The following CLASP1 variants were observed in gnomAD, a reference collection of about 807,000 sequenced individuals.
CLASP1 encodes the protein cytoplasmic linker associated protein 1, also known as CLIP-associating protein 1.
In CLASP1, 38 loss-of-function variants were observed where a neutral mutation model predicts 192.3. The ratio of observed to expected loss-of-function variants is 0.20; its 90% CI spans 0.15 to 0.26. The LOEUF is 0.26. Among genes scored for constraint, CLASP1 ranks in the 10% least tolerant of loss-of-function variants. The pLI, the probability that CLASP1 is intolerant of heterozygous loss-of-function variation, is 1.00. For synonymous variants in CLASP1, 691 were observed against 712.8 expected (o/e 0.97, Z 0.49); for missense variants, 1,433 against 1,932.5 (o/e 0.74, Z 4.85).
intron 39 of CLASP1, among the ~76,000 whole-genome samples, chr2:121,344,216 G>A (rs887891909): frequency 8.5e-5 from 13 of 152,164 alleles, no homozygotes; most frequent in Non-Finnish European, 1.0e-4. Flanking sequence ...CAAAGCTAGT[G>A]TTGCTGCCCT....
At chr2:121,622,290 G>A (rs761384086) in intron 1 of CLASP1, among the ~76,000 whole-genome samples, 1 of 151,906 alleles carries the variant, frequency 6.6e-6, no homozygotes, top group African/African-American at 2.4e-5. Context: ...GTAAGTTCCG[G>A]CCAGGCACAG....
At chr2:121,618,393 A>G (rs554853784) in intron 1 of CLASP1, among the ~76,000 whole-genome samples, 1 of 152,238 alleles carries the variant, frequency 6.6e-6, no homozygotes, top group Non-Finnish European at 1.5e-5. Flanking sequence ...GTGCAAATAC[A>G]TATGGACAAA....
Position 121,347,028 on chromosome 2 carries a change from CTA to C in CLASP1, c.4530+8_4530+9del. On this transcript the variant is annotated splice_region_variant and intron_variant, in intron 39 of 39. Coordinates refer to ENST00000263710, the Ensembl canonical transcript of CLASP1. ...GGTGTGCGTATCAGCCCAGGTAACA[CTA>C]TACATACCTTGCTCCCTGTGAGCTG... is the stretch of plus-strand genomic sequence containing the variant. The C allele has an allele frequency of 6.5e-7, 1 of 1,530,404 alleles. No homozygotes were observed. Among genetic ancestry groups the C allele is most frequent in the Non-Finnish European group, 8.9e-7 (1 of 1,126,058 alleles). 94.8% of individuals were successfully genotyped at this position (1,530,404 alleles called of 1,614,324 possible).
intron 8 of CLASP1, 82 bp from the exon 9 acceptor site, chr2:121,470,042 T>C (rs1288808458): frequency 8.1e-6 from 9 of 1,116,316 alleles, no homozygotes; most frequent in Non-Finnish European, 1.2e-5. Flanking sequence ...CACCTGATTA[T>C]AAAACAATTA....
chr2:121,489,556 G>C (rs1349634943), intron 8 of CLASP1, among the ~76,000 whole-genome samples: 1 of 152,160 alleles, frequency 6.6e-6, no homozygotes, highest in Non-Finnish European at 1.5e-5. Context: ...AAAACCACTA[G>C]GAAAGCAAGA....
At chr2:121,607,128 G>A (rs894487439) in intron 1 of CLASP1, among the ~76,000 whole-genome samples, 4 of 150,182 alleles carry the variant, frequency 2.7e-5, no homozygotes, top group Non-Finnish European at 5.9e-5. Context: ...GATCACCTGA[G>A]GTTAGGAATT....
At chr2:121,510,897 A>C (rs968787919) in intron 7 of CLASP1, among the ~76,000 whole-genome samples, 1 of 152,188 alleles carries the variant, frequency 6.6e-6, no homozygotes, top group African/African-American at 2.4e-5. Context: ...CCTAGTCTCC[A>C]AGAAACAGCA....
intron 6 of CLASP1, 70 bp downstream of exon 6, chr2:121,525,775 C>T (rs1032095346): frequency 4.8e-5 from 51 of 1,065,694 alleles, no homozygotes; most frequent in Middle Eastern, 2.0e-4. Flanking sequence ...CCACCCACTA[C>T]GGAACACCAG....
chr2:121,575,307 G>GT (rs959289387), intron 2 of CLASP1, among the ~76,000 whole-genome samples: 2 of 151,850 alleles, frequency 1.3e-5, no homozygotes, highest in African/African-American at 4.8e-5. Context: ...GGGTTTCACC[G>GT]TGTTGGCCAG....
At chr2:121,440,928 G>C (rs145296262) in intron 19 of CLASP1, among the ~76,000 whole-genome samples, 104 of 152,138 alleles carry the variant, frequency 6.8e-4, no homozygotes, top group African/African-American at 2.3e-3. Context: ...ACCAGACCCA[G>C]AGGAAAACAA....
chr2:121,558,136 C>T (rs1271321754), intron 2 of CLASP1, among the ~76,000 whole-genome samples: 2 of 150,344 alleles, frequency 1.3e-5, no homozygotes, highest in African/African-American at 4.9e-5. Flanking sequence ...ATAAATCATA[C>T]AATCTATTGT....
chr2:121,406,885 C>A (rs1302499353), intron 25 of CLASP1, among the ~76,000 whole-genome samples: 1 of 152,152 alleles, frequency 6.6e-6, no homozygotes, highest in East Asian at 1.9e-4. Flanking sequence ...GCCACTGTGT[C>A]CACCCTACAT....
intron 8 of CLASP1, among the ~76,000 whole-genome samples, chr2:121,495,347 T>G (rs536164375): frequency 1.1e-5 from 1 of 94,582 alleles, no homozygotes; most frequent in Non-Finnish European, 1.9e-5. Flanking sequence ...ATAAAAATAT[T>G]TAAAGAGTAT....
intron 8 of CLASP1, among the ~76,000 whole-genome samples, chr2:121,478,558 G>A (rs1325356388): frequency 1.3e-5 from 2 of 148,188 alleles, no homozygotes; most frequent in South Asian, 2.1e-4. Flanking sequence ...CTGAGATTGC[G>A]CCACTGCACT....
chr2:121,515,789 G>C (rs763841809), intron 6 of CLASP1, 27 bp from the exon 7 acceptor site: 41 of 1,591,138 alleles, frequency 2.6e-5, no homozygotes, highest in Non-Finnish European at 3.5e-5. Context: ...AGATCTTACA[G>C]CTGCTCTGTG....
chr2:121,530,054 C>G (rs1195746654), intron 3 of CLASP1, among the ~76,000 whole-genome samples, 193 bp downstream of exon 3: 2 of 148,750 alleles, frequency 1.3e-5, no homozygotes, highest in African/African-American at 5.0e-5. Context: ...GCGGGGCGGC[C>G]GACCCAGGCT....
chr2:121,462,112 T>C (rs2088141915), intron 10 of CLASP1, among the ~76,000 whole-genome samples: 2 of 152,092 alleles, frequency 1.3e-5, no homozygotes, highest in African/African-American at 4.8e-5. Flanking sequence ...GTTTCATCTG[T>C]TAGGTACTTA....
At chr2:121,643,647 G>T (rs1326695761) in intron 1 of CLASP1, among the ~76,000 whole-genome samples, 1 of 152,144 alleles carries the variant, frequency 6.6e-6, no homozygotes, top group East Asian at 1.9e-4. Flanking sequence ...ACAAAAAAAG[G>T]GTAACAGTGT....
At chr2:121,614,495 C>A (rs907749154) in intron 1 of CLASP1, among the ~76,000 whole-genome samples, 2 of 151,584 alleles carry the variant, frequency 1.3e-5, no homozygotes, top group East Asian at 1.9e-4. Context: ...GACTCTGTCT[C>A]AAAAAACAAA....
Sources: gnomAD v4.1 joint callset for allele counts (sites outside exome capture counted in the v4.1 genomes callset) on GRCh38, gnomAD v4.1.1 for gene constraint, MANE v1.5 for transcripts, NCBI Gene and HGNC (gene_info 2026-07-23, HGNC 2026-07-21) for gene names.